Variants in YWHAB observed in about 807,000 individuals in gnomAD.
The protein encoded by YWHAB is tyrosine 3-monooxygenase/tryptophan 5-monooxygenase activation protein beta.
A neutral mutation model predicts 28.5 loss-of-function variants in YWHAB; 2 were observed. That is an observed-to-expected ratio of 0.07 (90% CI 0.03 to 0.22). The LOEUF (loss-of-function observed/expected upper bound fraction) is 0.22. YWHAB is among the 10% of genes least tolerant of loss of function. YWHAB has a pLI of 1.00. For synonymous variants in YWHAB, 103 were observed against 104.7 expected, an observed-to-expected ratio of 0.98 and a Z score of 0.10; for missense variants, 148 against 297.1, an observed-to-expected ratio of 0.50 and a Z score of 3.69.
At chr20:44,897,394 T>C (rs73294339) in intron 1 of YWHAB, among the ~76,000 whole-genome samples, 3,243 of 152,328 alleles carry the variant, frequency 0.021, 126 homozygotes, top group African/African-American at 0.072. Context: ...AGTGGGCCTC[T>C]AAGTGACTTC....
chr20:44,906,426 G>A lies in YWHAB; in HGVS notation c.729G>A (p.Glu243=), dbSNP rs2066656353. The change falls in exon 6 of 6, where the codon GAG becomes GAA. Residue 243 remains glutamate, a synonymous_variant. Coordinates refer to ENST00000353703, the MANE Select transcript of YWHAB (RefSeq NM_139323.4). ...ENQGDEGDAG[E]GEN The stretch of plus-strand genomic sequence containing the variant: ...AGGGAGACGAAGGAGACGCTGGGGA[G>A]GGAGAGAACTAATGTTTCTCGTGCT... 4 of 1,611,628 alleles carry A rather than the reference G, an allele frequency of 2.5e-6. No homozygotes were observed. In the African/African-American group the frequency reaches 5.4e-5, roughly 22 times the overall value.
rs554231998 is a variant in YWHAB, at chr20:44,893,683, C to T, written c.-4+7797C>T. On this transcript the variant is annotated intron_variant, in intron 1 of 5. Coordinates refer to ENST00000353703, the MANE Select transcript of YWHAB (RefSeq NM_139323.4). ...GTAATCTTGTACCATCTATCTCCTT[C>T]CCTCCCCTGCCTTTTTTTTTTTTTT... 1.1e-3 allele frequency among the ~76,000 whole-genome samples: 166 copies of T among 149,056 alleles called. 1 individual carries two copies. The highest frequency in any genetic ancestry group is 4.0e-3 in the African/African-American group (162 of 40,286).
At position 44,907,415 on chromosome 20, in the gene YWHAB, C is replaced by T. The variant is rs1241129923; in HGVS notation, c.*977C>T. The stretch of plus-strand genomic sequence containing the variant: ...CTGTGGTTGCACCTGTGAATAACTG[C>T]ACTCCAGCCTGGGCAACATAGCGAG... On this transcript the variant is annotated 3_prime_UTR_variant, in exon 6 of 6. Coordinates refer to ENST00000353703, the MANE Select transcript of YWHAB (RefSeq NM_139323.4). 1 of 152,168 alleles carries T rather than the reference C, an allele frequency of 6.6e-6. No homozygotes were observed. Among genetic ancestry groups the T allele is most frequent in the African/African-American group, 2.4e-5 (1 of 41,408 alleles). 9.4% of individuals were successfully genotyped at this position (152,168 alleles called of 1,614,324 possible).
chr20:44,888,555 C>T (rs545789753), intron 1 of YWHAB, among the ~76,000 whole-genome samples: 1 of 152,300 alleles, frequency 6.6e-6, no homozygotes, highest in Non-Finnish European at 1.5e-5. Context: ...AGAGACAGCA[C>T]ATGTATATGT....
intron 3 of YWHAB, among the ~76,000 whole-genome samples, chr20:44,904,651 C>G (rs1351682028): frequency 1.3e-5 from 2 of 152,152 alleles, no homozygotes; most frequent in African/African-American, 4.8e-5. Context: ...AAGTTTGGAT[C>G]TATCGACTCT....
intron 4 of YWHAB, 46 bp downstream of exon 4, chr20:44,905,177 T>C: frequency 6.5e-7 from 1 of 1,542,272 alleles, no homozygotes; most frequent in Non-Finnish European, 8.7e-7. Context: ...AAACAGTGCT[T>C]GTGTTATTAA....
At chr20:44,890,734 C>T (rs1199175945) in intron 1 of YWHAB, among the ~76,000 whole-genome samples, 1 of 152,010 alleles carries the variant, frequency 6.6e-6, no homozygotes, top group South Asian at 2.1e-4. Flanking sequence ...TGGTCTTGAA[C>T]TCCTGACCTT....
At chr20:44,899,305 TC>T (rs1350965416) in intron 1 of YWHAB, among the ~76,000 whole-genome samples, 1 of 152,038 alleles carries the variant, frequency 6.6e-6, no homozygotes, top group African/African-American at 2.4e-5. Context: ...AATGGCAAAA[TC>T]CCATCTCTAC....
intron 1 of YWHAB, among the ~76,000 whole-genome samples, chr20:44,892,395 G>A (rs1457678992): frequency 1.3e-5 from 2 of 151,564 alleles, no homozygotes; most frequent in Non-Finnish European, 2.9e-5. Context: ...CTAAGGAGAG[G>A]CATTGTAACC....
At position 44,885,754 on chromosome 20, in the gene YWHAB, T is replaced by TCAC; in HGVS notation, c.-135_-134insACC. On this transcript the variant is annotated 5_prime_UTR_variant, in exon 1 of 6. Transcript: ENST00000353703. Reference sequence around the variant, plus strand: ...GCCGCCGATTCCGGAGCCGGGGTAGTCGCCGCCGCCGCCGCCGCTGCAGCC... The same window carrying TCAC: ...GCCGCCGATTCCGGAGCCGGGGTAGTCACCGCCGCCGCCGCCGCCGCTGCAGCC... The TCAC allele has an allele frequency of 5.6e-6, 1 of 178,194 alleles. No homozygotes were observed. The highest frequency in any genetic ancestry group is 1.2e-5 in the Non-Finnish European group (1 of 86,256). 11.0% of individuals were successfully genotyped at this position (178,194 alleles called of 1,614,324 possible). A position where few individuals can be genotyped will look rare whatever the true frequency, so the allele number is the denominator to read the frequency against.
At chr20:44,892,469 G>T (rs2066568607) in intron 1 of YWHAB, among the ~76,000 whole-genome samples, 1 of 150,840 alleles carries the variant, frequency 6.6e-6, no homozygotes, top group Non-Finnish European at 1.5e-5. Flanking sequence ...CTCTTTTCTT[G>T]TGTTTCTACC....
rs572701251 is a variant in YWHAB at position 44,903,574 on chromosome 20, A to T, written c.301-419A>T. ...CTTACCACCCAGAGAACCATTATTA[A>T]CATACTCCTTCCAGGCTTTTCCCTT... On this transcript the variant is annotated intron_variant, in intron 2 of 5. Transcript: ENST00000353703. 123 of 155,748 alleles carry T rather than the reference A, an allele frequency of 7.9e-4. 3 individuals carry two copies. The South Asian group carries it at 0.023, about 29-fold the overall frequency. 9.6% of individuals were successfully genotyped at this position (155,748 alleles called of 1,614,324 possible).
chr20:44,892,894 C>A (rs2066571261), intron 1 of YWHAB, among the ~76,000 whole-genome samples: 1 of 152,182 alleles, frequency 6.6e-6, no homozygotes, highest in Admixed American at 6.5e-5. Context: ...TAATTCCTGA[C>A]ATATAATAAT....
chr20:44,904,923 C>T (rs1390335544), intron 3 of YWHAB, 45 bp from the exon 4 acceptor site: 1 of 1,542,472 alleles, frequency 6.5e-7, no homozygotes, highest in Admixed American at 2.0e-5. Flanking sequence ...TGTGTGATAC[C>T]TATGAAAGAA....
intron 1 of YWHAB, among the ~76,000 whole-genome samples, chr20:44,893,156 A>C (rs76423372): frequency 1.3e-5 from 2 of 152,088 alleles, no homozygotes; most frequent in African/African-American, 4.8e-5. Flanking sequence ...TGCTCTAGCC[A>C]CTGGGAAATA....
In YWHAB at chr20:44,901,640, A is replaced by C; in HGVS notation, c.107A>C (p.His36Pro). 1.2e-6 allele frequency: 2 copies of C among 1,614,220 alleles called. No homozygotes were observed. The highest frequency in any genetic ancestry group is 1.7e-6 in the Non-Finnish European group (2 of 1,180,038). The change falls in exon 2 of 6, where the codon CAT becomes CCT. Residue 36 changes from histidine to proline, a missense_variant. His to Pro is a moderately conservative substitution (Grantham distance 77). Coordinates refer to ENST00000353703, the MANE Select transcript of YWHAB (RefSeq NM_139323.4). ...ATGAAGGCAGTCACAGAACAGGGGC[A>C]TGAACTCTCCAACGAAGAGAGAAAT... ...AAMKAVTEQGHELSNEERNLL... is the reference protein window; with the variant it reads ...AAMKAVTEQGPELSNEERNLL...
intron 2 of YWHAB, chr20:44,903,021 C>T: frequency 1.0e-6 from 1 of 984,992 alleles, no homozygotes; most frequent in East Asian, 1.1e-4. Flanking sequence ...TTGGTACTTA[C>T]TGCCTCTTAA....
chr20:44,897,685 AT>A (rs879865050), intron 1 of YWHAB, among the ~76,000 whole-genome samples: 3 of 151,824 alleles, frequency 2.0e-5, no homozygotes, highest in Non-Finnish European at 4.4e-5. Context: ...TTCCTTCTTT[AT>A]TTTCCACCAC....
intron 4 of YWHAB, 58 bp downstream of exon 4, chr20:44,905,189 T>C: frequency 6.6e-7 from 1 of 1,514,214 alleles, no homozygotes; most frequent in Admixed American, 2.2e-5. Flanking sequence ...TGTTATTAAC[T>C]TCATTTTATT....
Sources: allele counts gnomAD v4.1 joint callset (sites outside exome capture counted in the v4.1 genomes callset), GRCh38; gene constraint gnomAD v4.1.1; transcripts MANE v1.5; gene names NCBI Gene and HGNC (gene_info 2026-07-23, HGNC 2026-07-21).